ACCSL: variants seen among roughly 807,000 people sequenced by gnomAD.
The protein encoded by ACCSL is 1-aminocyclopropane-1-carboxylate synthase homolog (inactive) like, also known as probable inactive 1-aminocyclopropane-1-carboxylate synthase-like protein 2.
Under a neutral mutation model 61.7 loss-of-function variants are expected in ACCSL, and 55 were observed. That is an observed-to-expected ratio of 0.89 (90% confidence interval 0.72 to 1.12). ACCSL has a LOEUF of 1.12. Ranked by LOEUF, ACCSL falls within the 50% of genes most tolerant of loss-of-function variation. The probability of loss-of-function intolerance (pLI) is 0.00; values close to 1 mark genes in which losing one functional copy is unlikely to be tolerated. For synonymous variants in ACCSL, 258 were observed against 264.3 expected (o/e 0.98, Z 0.23); for missense variants, 632 against 698.0 (o/e 0.91, Z 1.07).
upstream of ACCSL, among the ~76,000 whole-genome samples, chr11:44,045,269 C>T (rs1471207759): frequency 6.6e-6 from 1 of 152,060 alleles, no homozygotes; most frequent in East Asian, 1.9e-4. Flanking sequence ...GAAACCCCAT[C>T]TCTACAAAAG....
the ACCSL span, among the ~76,000 whole-genome samples, chr11:43,933,853 C>T: frequency 2.0e-5 from 3 of 152,174 alleles, no homozygotes; most frequent in African/African-American, 4.8e-5. Context: ...CCCTGGGACT[C>T]ATCCTGGGAG....
At chr11:44,042,307 C>G in the ACCSL span, among the ~76,000 whole-genome samples, 1 of 152,110 alleles carries the variant, frequency 6.6e-6, no homozygotes, top group African/African-American at 2.4e-5. Flanking sequence ...GGAGTTAGCT[C>G]TTTTCTAACT....
the ACCSL span, among the ~76,000 whole-genome samples, chr11:44,012,780 A>G: frequency 6.6e-6 from 1 of 152,206 alleles, no homozygotes; most frequent in African/African-American, 2.4e-5. Flanking sequence ...ATTAAAGTCC[A>G]ACAATAAGGA....
the ACCSL span, among the ~76,000 whole-genome samples, chr11:43,964,973 C>T: frequency 6.6e-6 from 1 of 152,146 alleles, no homozygotes; most frequent in African/African-American, 2.4e-5. Context: ...TATGAAATAC[C>T]CGTAGCTAAC....
chr11:43,940,888 G>A, the ACCSL span, among the ~76,000 whole-genome samples: 3 of 152,154 alleles, frequency 2.0e-5, no homozygotes, highest in Admixed American at 6.5e-5. Flanking sequence ...AGGGCAAACC[G>A]CTGCAGTGTA....
At chr11:43,966,398 C>G in the ACCSL span, among the ~76,000 whole-genome samples, 1 of 149,368 alleles carries the variant, frequency 6.7e-6, no homozygotes, top group Non-Finnish European at 1.5e-5. Flanking sequence ...TGCACTCCAG[C>G]CTGGGCAACA....
intron 4 of ACCSL, 26 bp from the exon 5 acceptor site, chr11:44,051,627 T>C: frequency 6.2e-7 from 1 of 1,614,136 alleles, no homozygotes; most frequent in Non-Finnish European, 8.5e-7. Context: ...TGGTTTTGAC[T>C]TCTGCCTCTC....
chr11:43,981,785 T>A, the ACCSL span, among the ~76,000 whole-genome samples: 51 of 152,334 alleles, frequency 3.3e-4, no homozygotes, highest in African/African-American at 1.2e-3. Flanking sequence ...GTGGTGCCCA[T>A]GCCCCAAGCC....
At chr11:44,006,652 C>T in the ACCSL span, among the ~76,000 whole-genome samples, 8 of 151,904 alleles carry the variant, frequency 5.3e-5, no homozygotes, top group East Asian at 3.9e-4. Context: ...ATTAGAGACA[C>T]GCACCATCAC....
At position 44,055,889 on chromosome 11, in the gene ACCSL, T is replaced by C. The variant is rs1187923304; in HGVS notation, c.1140-151T>C. Reference sequence around the variant, plus strand: ...TCAGGAATACCTTGTGTTGACTTCCTGGCTTAACTGGGACAACTGTTTCTT... The same window carrying C: ...TCAGGAATACCTTGTGTTGACTTCCCGGCTTAACTGGGACAACTGTTTCTT... On this transcript the variant is annotated intron_variant, in intron 9 of 13. Transcript: ENST00000378832. 4 of 882,090 alleles carry C rather than the reference T, an allele frequency of 4.5e-6. No individual in the cohort carries two copies. In the African/African-American group the frequency reaches 5.1e-5, roughly 11 times the overall value. 54.6% of individuals were successfully genotyped at this position (882,090 alleles called of 1,614,324 possible). A position where few individuals can be genotyped will look rare whatever the true frequency, so the allele number is the denominator to read the frequency against.
chr11:44,039,168 G>C, the ACCSL span, among the ~76,000 whole-genome samples: 1 of 152,154 alleles, frequency 6.6e-6, no homozygotes, highest in African/African-American at 2.4e-5. Context: ...GGACAGGATG[G>C]GGGATATGTG....
chr11:44,053,345 C>A, intron 7 of ACCSL, 61 bp from the exon 8 acceptor site: 1 of 1,545,150 alleles, frequency 6.5e-7, no homozygotes, highest in Non-Finnish European at 8.9e-7. Context: ...AGATCCTTGG[C>A]TGAATTTAGG....
chr11:43,929,560 C>G, the ACCSL span, among the ~76,000 whole-genome samples: 1 of 152,172 alleles, frequency 6.6e-6, no homozygotes, highest in Non-Finnish European at 1.5e-5. Flanking sequence ...GCACCTGCCA[C>G]CACGCCCGGC....
At chr11:43,961,631 G>A in the ACCSL span, among the ~76,000 whole-genome samples, 1 of 152,086 alleles carries the variant, frequency 6.6e-6, no homozygotes, top group Non-Finnish European at 1.5e-5. Flanking sequence ...GGACCCACCT[G>A]CCTGGAATGC....
the ACCSL span, among the ~76,000 whole-genome samples, chr11:43,940,512 C>T: frequency 4.1e-5 from 6 of 147,972 alleles, no homozygotes; most frequent in Non-Finnish European, 9.0e-5. Context: ...CCCGCTGCCA[C>T]GCCTAGCTAA....
chr11:43,994,625 T>C, the ACCSL span, among the ~76,000 whole-genome samples: 2 of 102,462 alleles, frequency 2.0e-5, no homozygotes, highest in Non-Finnish European at 1.9e-5. Context: ...TTACTAAATA[T>C]GTATTATTAT....
the ACCSL span, among the ~76,000 whole-genome samples, chr11:43,997,373 C>T: frequency 5.3e-5 from 8 of 152,066 alleles, no homozygotes; most frequent in African/African-American, 7.2e-5. Flanking sequence ...TCCTGCCTCG[C>T]GATCCTCTGG....
chr11:43,936,884 C>CT, the ACCSL span, among the ~76,000 whole-genome samples: 1 of 151,812 alleles, frequency 6.6e-6, no homozygotes, highest in African/African-American at 2.4e-5. Flanking sequence ...TTCCCCACCC[C>CT]CCCCTCCTGC....
At chr11:44,042,816 C>T in the ACCSL span, among the ~76,000 whole-genome samples, 1 of 152,118 alleles carries the variant, frequency 6.6e-6, no homozygotes. Context: ...TGCAGTGGCT[C>T]ACACCTGTAA....
Sources: gnomAD v4.1 joint callset for allele counts (sites outside exome capture counted in the v4.1 genomes callset) on GRCh38, gnomAD v4.1.1 for gene constraint, MANE v1.5 for transcripts, NCBI Gene and HGNC (gene_info 2026-07-23, HGNC 2026-07-21) for gene names.